ADAMTS2: variants seen among roughly 807,000 people sequenced by gnomAD.
ADAMTS2 encodes ADAM metallopeptidase with thrombospondin type 1 motif 2.
In ADAMTS2, 50 loss-of-function variants were observed where a neutral mutation model predicts 123.0. The observed-to-expected ratio is 0.41, with a 90% CI of 0.32 to 0.51. ADAMTS2 has a LOEUF of 0.51. Among genes scored for constraint, ADAMTS2 ranks in the 20% least tolerant of loss-of-function variants. The pLI, the probability that ADAMTS2 is intolerant of heterozygous loss-of-function variation, is 0.35. For missense variants in ADAMTS2, 1,494 were observed against 1,705.2 expected (o/e 0.88, Z 2.18); for synonymous variants, 678 against 695.4 (o/e 0.98, Z 0.39).
At chr5:179,166,320 A>G (rs1362206192) in intron 5 of ADAMTS2, among the ~76,000 whole-genome samples, 1 of 152,160 alleles carries the variant, frequency 6.6e-6, no homozygotes, top group African/African-American at 2.4e-5. Flanking sequence ...CCGGGCTGGA[A>G]AGGGTCTGAG....
At position 179,148,953 on chromosome 5, in the gene ADAMTS2, G is replaced by A. The variant is rs1048769451; in HGVS notation, c.1629+3189C>T. On this transcript the variant is annotated intron_variant, in intron 10 of 21. Transcript: ENST00000251582. The stretch of plus-strand genomic sequence containing the variant: ...GGCTCCCGGCCCCTGGGGGGTCCTA[G>A]CCATCTCTTTCCTGGCACCATTACC... 1.6e-4 allele frequency among the ~76,000 whole-genome samples: 5 copies of A among 31,416 alleles called. No individual in the cohort carries two copies. The South Asian group carries it at 6.5e-3, about 41-fold the overall frequency. 20.6% of individuals were successfully genotyped at this position (31,416 alleles called of 152,430 possible).
chr5:179,204,027 C>T (rs1764623545), intron 4 of ADAMTS2, among the ~76,000 whole-genome samples: 1 of 152,228 alleles, frequency 6.6e-6, no homozygotes, highest in Non-Finnish European at 1.5e-5. Flanking sequence ...AAAGGAAGGA[C>T]ATTCTTACAC....
intron 2 of ADAMTS2, among the ~76,000 whole-genome samples, chr5:179,313,062 C>A (rs1034851059): frequency 6.6e-6 from 1 of 152,166 alleles, no homozygotes; most frequent in Admixed American, 6.5e-5. Flanking sequence ...TGGACAACAT[C>A]GAAACCCGAT....
intron 2 of ADAMTS2, among the ~76,000 whole-genome samples, chr5:179,329,804 T>C (rs1030950218): frequency 2.4e-4 from 36 of 152,066 alleles, no homozygotes; most frequent in Middle Eastern, 3.2e-3. Flanking sequence ...AGGAGGAAAG[T>C]TGGGGGCCGT....
At chr5:179,344,289 C>A in intron 1 of ADAMTS2, 128 bp from the exon 2 acceptor site, 2 of 1,278,410 alleles carry the variant, frequency 1.6e-6, no homozygotes, top group East Asian at 5.1e-5. Flanking sequence ...GCCAGGCGAC[C>A]CCAGAAGCCA....
rs558398493 is a variant in ADAMTS2, at chr5:179,256,462, T to C, written c.688+16449A>G. Among the ~76,000 whole-genome samples the C allele has an allele frequency of 3.3e-5, 5 of 152,236 alleles. No homozygotes were observed. In the South Asian group the frequency reaches 1.0e-3, roughly 32 times the overall value. On this transcript the variant is annotated intron_variant, in intron 3 of 21. Coordinates refer to ENST00000251582, the MANE Select transcript of ADAMTS2 (RefSeq NM_014244.5). This position sits in a 1 kb window ranked among gnomAD's most constrained non-coding sequence, Gnocchi z 4.1. ...GGTGCGGCTCGGTTCACTCCAGCATTTCCTACATGGATGAAGATGTGGATG... is the reference window on the plus strand; with the variant it reads ...GGTGCGGCTCGGTTCACTCCAGCATCTCCTACATGGATGAAGATGTGGATG...
At chr5:179,321,656 T>C (rs1354958678) in intron 2 of ADAMTS2, among the ~76,000 whole-genome samples, 1 of 102,130 alleles carries the variant, frequency 9.8e-6, no homozygotes, top group Non-Finnish European at 1.8e-5. Flanking sequence ...GGATGTGGAA[T>C]CCACAGCCCT....
At position 179,188,703 on chromosome 5, in the gene ADAMTS2, T is replaced by C. The variant is rs1380894931; in HGVS notation, c.892-7548A>G. 1.3e-5 allele frequency among the ~76,000 whole-genome samples: 2 copies of C among 152,074 alleles called. No individual in the cohort carries two copies. Among genetic ancestry groups the C allele is most frequent in the Non-Finnish European group, 2.9e-5 (2 of 68,006 alleles). On this transcript the variant is annotated intron_variant, in intron 4 of 21. Transcript: ENST00000251582. This position sits in a 1 kb window ranked among gnomAD's most constrained non-coding sequence, Gnocchi z 5.1. Reference sequence around the variant, plus strand: ...CCTTCAATACCCAGCGCAGGAACACTCTGCCCAAGGCCACCCCCTCACTCC... The same window carrying C: ...CCTTCAATACCCAGCGCAGGAACACCCTGCCCAAGGCCACCCCCTCACTCC...
At position 179,228,730 on chromosome 5, in the gene ADAMTS2, C is replaced by T. The variant is rs1765343428; in HGVS notation, c.689-21015G>A. ...AAAGCCAGCGGACATCCACTGCCTG[C>T]GGAGCATCTGGGGAAGGCTCCTGTG... On this transcript the variant is annotated intron_variant, in intron 3 of 21. Coordinates refer to ENST00000251582, the MANE Select transcript of ADAMTS2 (RefSeq NM_014244.5). The surrounding 1 kb of genome is among the most constrained non-coding windows in gnomAD (Gnocchi z 5.2). Among the ~76,000 whole-genome samples, 2 of 152,240 alleles carry T rather than the reference C, an allele frequency of 1.3e-5. No individual in the cohort carries two copies. Among genetic ancestry groups the T allele is most frequent in the African/African-American group, 4.8e-5 (2 of 41,468 alleles).
Position 179,225,263 on chromosome 5 carries a change from C to T in ADAMTS2, c.689-17548G>A, listed in dbSNP as rs78513338. Among the ~76,000 whole-genome samples, 419 of 152,312 alleles carry T rather than the reference C, an allele frequency of 2.8e-3. 4 individuals are homozygous for T. The highest frequency in any genetic ancestry group is 9.6e-3 in the African/African-American group (398 of 41,558). ...GGACTAATTTCCTTAATACATAAAG[C>T]GCTCTTACAAATCAACAGGAAACAA... On this transcript the variant is annotated intron_variant, in intron 3 of 21. Transcript: ENST00000251582. The surrounding 1 kb of genome is among the most constrained non-coding windows in gnomAD (Gnocchi z 4.5).
At chr5:179,261,460 C>T (rs1766223097) in intron 3 of ADAMTS2, among the ~76,000 whole-genome samples, 1 of 152,216 alleles carries the variant, frequency 6.6e-6, no homozygotes, top group Non-Finnish European at 1.5e-5. Flanking sequence ...AGTAGGTGCC[C>T]CCTGATGGCT....
intron 5 of ADAMTS2, among the ~76,000 whole-genome samples, chr5:179,177,237 A>G (rs1170870121): frequency 5.9e-5 from 9 of 152,244 alleles, no homozygotes; most frequent in African/African-American, 2.2e-4. Flanking sequence ...CTGATATTAA[A>G]CAATCTCCAC....
intron 4 of ADAMTS2, 36 bp downstream of exon 4, chr5:179,207,477 C>T: frequency 2.6e-6 from 2 of 783,512 alleles, no homozygotes; most frequent in Non-Finnish European, 4.5e-6. Context: ...GTTGACCCTC[C>T]CCGCCCCACC....
In ADAMTS2 at chr5:179,302,227, T is replaced by C. The variant is rs533887593; in HGVS notation, c.535-29163A>G. Among the ~76,000 whole-genome samples, 25 of 151,864 alleles carry C rather than the reference T, an allele frequency of 1.6e-4. No homozygotes were observed. In the South Asian group the frequency reaches 3.6e-3, roughly 22 times the overall value. Reference sequence around the variant, plus strand: ...CTGTAATCCCAGCATTTTGGGAGGCTGAGGTGGGCGGATCATGAGGTCAGG... The same window carrying C: ...CTGTAATCCCAGCATTTTGGGAGGCCGAGGTGGGCGGATCATGAGGTCAGG... On this transcript the variant is annotated intron_variant, in intron 2 of 21. Transcript: ENST00000251582.
rs1238790149 is a variant in ADAMTS2, at chr5:179,197,546, T to C, written c.891+9967A>G. On this transcript the variant is annotated intron_variant, in intron 4 of 21. Coordinates refer to ENST00000251582, the MANE Select transcript of ADAMTS2 (RefSeq NM_014244.5). This position sits in a 1 kb window ranked among gnomAD's most constrained non-coding sequence, Gnocchi z 4.2. ...AGGTGATTGAGTCCACCATGCAGCATAGCATGAACCTGTCTCTAAAACAAA... is the reference window on the plus strand; with the variant it reads ...AGGTGATTGAGTCCACCATGCAGCACAGCATGAACCTGTCTCTAAAACAAA... Among the ~76,000 whole-genome samples, 1 of 152,068 alleles carries C rather than the reference T, an allele frequency of 6.6e-6. No homozygotes were observed. The highest frequency in any genetic ancestry group is 1.5e-5 in the Non-Finnish European group (1 of 68,012).
chr5:179,331,694 T>C (rs752146776), intron 2 of ADAMTS2, among the ~76,000 whole-genome samples: 4 of 152,012 alleles, frequency 2.6e-5, no homozygotes, highest in African/African-American at 4.8e-5. Context: ...TTTAGGGCTG[T>C]TCTGGAAACT....
At chr5:179,152,854 A>C (rs1287762569) in intron 9 of ADAMTS2, among the ~76,000 whole-genome samples, 3 of 151,816 alleles carry the variant, frequency 2.0e-5, no homozygotes, top group African/African-American at 7.3e-5. Flanking sequence ...CTGCGTTGGT[A>C]CTCGACTCTA....
chr5:179,186,937 G>C (rs1764186516), intron 4 of ADAMTS2, among the ~76,000 whole-genome samples: 1 of 148,060 alleles, frequency 6.8e-6, no homozygotes, highest in African/African-American at 2.5e-5. Flanking sequence ...CGGCTCTCCA[G>C]TGCCTTCGGA....
chr5:179,207,475 T>TCCCCCCCCCCCCCCCCCCCCCCACCC, intron 4 of ADAMTS2, 38 bp downstream of exon 4: 1 of 588,618 alleles, frequency 1.7e-6, no homozygotes, highest in African/African-American at 2.0e-5. Context: ...TGGTTGACCC[T>TCCCCCCCCCCCCCCCCCCCCCCACCC]CCCCGCCCCA....
Sources: allele counts gnomAD v4.1 joint callset (sites outside exome capture counted in the v4.1 genomes callset), GRCh38; gene constraint gnomAD v4.1.1; non-coding constraint Gnocchi (gnomAD v3.1); transcripts MANE v1.5; gene names NCBI Gene and HGNC (gene_info 2026-07-23, HGNC 2026-07-21).